The following DCDC1 variants were observed in gnomAD, a reference collection of about 807,000 sequenced individuals.
DCDC1 encodes the protein doublecortin domain containing 1.
In DCDC1, 200 loss-of-function variants were observed where a neutral mutation model predicts 178.3. The observed-to-expected ratio is 1.12, with a 90% confidence interval of 1.00 to 1.26. The LOEUF (loss-of-function observed/expected upper bound fraction) is 1.26. Ranked by LOEUF, DCDC1 falls within the 50% of genes most tolerant of loss-of-function variation. The pLI is 0.00. For missense variants in DCDC1, 1,983 were observed against 1,749.2 expected (o/e 1.13, Z -2.38); for synonymous variants, 690 against 604.8 (o/e 1.14, Z -2.07).
At chr11:31,069,776 G>A (rs1202488398) in intron 18 of DCDC1, among the ~76,000 whole-genome samples, 4 of 152,068 alleles carry the variant, frequency 2.6e-5, no homozygotes, top group Non-Finnish European at 4.4e-5. Flanking sequence ...GTTCATTTCT[G>A]AGGTACATTC....
At chr11:31,170,841 T>A (rs998292885) in intron 9 of DCDC1, among the ~76,000 whole-genome samples, 1 of 152,100 alleles carries the variant, frequency 6.6e-6, no homozygotes, top group African/African-American at 2.4e-5. Context: ...ATTTATTTAT[T>A]TTTTTGAGAT....
intron 20 of DCDC1, among the ~76,000 whole-genome samples, chr11:31,024,073 G>C (rs1415327435): frequency 1.3e-5 from 2 of 151,894 alleles, no homozygotes; most frequent in Admixed American, 6.6e-5. Context: ...TACATGATTA[G>C]GAACATTCAC....
At chr11:31,307,436 T>C in intron 4 of DCDC1, 1 of 594,876 alleles carries the variant, frequency 1.7e-6, no homozygotes, top group Non-Finnish European at 2.8e-6. Context: ...TTGCCCGGGT[T>C]GAAGTGTATC....
intron 9 of DCDC1, among the ~76,000 whole-genome samples, chr11:31,237,364 T>C (rs541324297): frequency 6.6e-6 from 1 of 152,030 alleles, no homozygotes; most frequent in African/African-American, 2.4e-5. Context: ...GCAATATTGT[T>C]ACAATTTAAA....
chr11:30,877,865 T>C (rs1942279851), intron 38 of DCDC1, among the ~76,000 whole-genome samples: 1 of 152,144 alleles, frequency 6.6e-6, no homozygotes. Context: ...TAGTGTCTAG[T>C]GGTCAGAGTC....
intron 9 of DCDC1, among the ~76,000 whole-genome samples, chr11:31,214,979 C>T (rs920998899): frequency 2.0e-5 from 3 of 151,500 alleles, no homozygotes; most frequent in Non-Finnish European, 4.4e-5. Flanking sequence ...TCATATAAAT[C>T]TAAGCAGGAC....
chr11:31,328,267 C>A lies in DCDC1; in HGVS notation c.14G>T (p.Gly5Val). Reference sequence around the variant, plus strand: ...TAGTGCTTCTCTGTGATCTTCTGCTCCTGTTTTTGCCATTTTCAGCTAAAA... The same window carrying A: ...TAGTGCTTCTCTGTGATCTTCTGCTACTGTTTTTGCCATTTTCAGCTAAAA... MAKT[G>V]AEDHREALSQ... Residue 5 changes from glycine to valine, a missense_variant, in exon 3 of 39, where the codon GGA becomes GTA. Transcript: ENST00000684477. 1 of 1,558,464 alleles carries A rather than the reference C, an allele frequency of 6.4e-7. No individual in the cohort carries two copies. Among genetic ancestry groups the A allele is most frequent in the South Asian group, 1.2e-5 (1 of 83,408 alleles).
chr11:30,987,890 A>G (rs1322847939), intron 20 of DCDC1, among the ~76,000 whole-genome samples: 1 of 152,188 alleles, frequency 6.6e-6, no homozygotes, highest in Non-Finnish European at 1.5e-5. Flanking sequence ...CCTCCAGTGC[A>G]GCCCAGGGAA....
intron 8 of DCDC1, among the ~76,000 whole-genome samples, chr11:31,248,337 G>A (rs943348197): frequency 1.3e-5 from 2 of 151,800 alleles, no homozygotes; most frequent in Non-Finnish European, 1.5e-5. Flanking sequence ...TAAAACATAG[G>A]AATAAGATCA....
chr11:31,063,549 C>T (rs1344902603), intron 20 of DCDC1, among the ~76,000 whole-genome samples: 1 of 152,030 alleles, frequency 6.6e-6, no homozygotes, highest in East Asian at 1.9e-4. Context: ...TGTCTCTTTT[C>T]ATGCAAGTGA....
chr11:31,267,364 G>A (rs2137127302), intron 7 of DCDC1, among the ~76,000 whole-genome samples: 1 of 151,946 alleles, frequency 6.6e-6, no homozygotes, highest in African/African-American at 2.4e-5. Flanking sequence ...CTAATTTTTT[G>A]TATTTTTAGT....
intron 9 of DCDC1, among the ~76,000 whole-genome samples, chr11:31,235,997 A>G (rs1176994507): frequency 1.3e-5 from 2 of 152,050 alleles, no homozygotes; most frequent in African/African-American, 4.8e-5. Context: ...TAAAAAGTTC[A>G]ATTTTGAGCT....
chr11:31,334,717 C>T (rs947429081), intron 2 of DCDC1, among the ~76,000 whole-genome samples: 4 of 152,148 alleles, frequency 2.6e-5, no homozygotes, highest in Admixed American at 2.0e-4. Context: ...GCAGAGGATG[C>T]AGAACAGCAA....
Position 31,151,133 on chromosome 11 carries a change from G to T in DCDC1, c.1222-13349C>A, listed in dbSNP as rs146990840. On this transcript the variant is annotated intron_variant, in intron 9 of 38. Coordinates refer to ENST00000684477, the MANE Select transcript of DCDC1 (RefSeq NM_001387274.1). ...CACATTTGTGTAAATGATGCTTAAAGAAGTTAAGTAGCATGCTCATGAACA... is the reference window on the plus strand; with the variant it reads ...CACATTTGTGTAAATGATGCTTAAATAAGTTAAGTAGCATGCTCATGAACA... 2.3e-3 allele frequency among the ~76,000 whole-genome samples: 352 copies of T among 152,248 alleles called. 2 individuals are homozygous for T. The highest frequency in any genetic ancestry group is 3.6e-3 in the Non-Finnish European group (246 of 68,004).
intron 20 of DCDC1, among the ~76,000 whole-genome samples, chr11:31,005,671 G>T (rs945789422): frequency 1.7e-4 from 26 of 152,012 alleles, no homozygotes; most frequent in African/African-American, 6.3e-4. Flanking sequence ...GAGAGAACTG[G>T]TATGGGATTC....
At chr11:30,890,954 T>C (rs762754273) in intron 36 of DCDC1, among the ~76,000 whole-genome samples, 13 of 152,340 alleles carry the variant, frequency 8.5e-5, no homozygotes, top group Admixed American at 6.5e-4. Flanking sequence ...TAAATATTCT[T>C]AATAAATAGT....
rs1298284027 is a variant in DCDC1, at chr11:31,137,751, T to C, written c.1255A>G (p.Ile419Val). 2.8e-6 allele frequency: 2 copies of C among 702,886 alleles called. No individual in the cohort carries two copies. The highest frequency in any genetic ancestry group is 2.0e-5 in the Admixed American group (1 of 49,988). 43.5% of individuals were successfully genotyped at this position (702,886 alleles called of 1,614,324 possible). A position where few individuals can be genotyped will look rare whatever the true frequency, so the allele number is the denominator to read the frequency against. Residue 419 changes from isoleucine (I) to valine (V), a missense_variant, in exon 10 of 39, where the codon ATT becomes GTT. Coordinates refer to ENST00000684477, the MANE Select transcript of DCDC1 (RefSeq NM_001387274.1). ...ATTGAAAGAATGACTTTTTCTGTAA[T>C]TTTCTCCTTCTGTTCATTCATGACC... is the stretch of plus-strand genomic sequence containing the variant. ...NLVMNEQKEK[I>V]TEKVILSMTA...
intron 21 of DCDC1, among the ~76,000 whole-genome samples, chr11:30,938,935 G>A (rs1443144228): frequency 1.2e-5 from 1 of 83,736 alleles, no homozygotes; most frequent in East Asian, 2.4e-4. Flanking sequence ...GAGTTTTCCT[G>A]TGTACTCAAC....
intron 38 of DCDC1, among the ~76,000 whole-genome samples, chr11:30,869,950 G>T (rs1941380179): frequency 6.6e-6 from 1 of 152,104 alleles, no homozygotes; most frequent in African/African-American, 2.4e-5. Flanking sequence ...CTTTGACAAA[G>T]AATTCGATAG....
Sources: allele counts gnomAD v4.1 joint callset (sites outside exome capture counted in the v4.1 genomes callset), GRCh38; gene constraint gnomAD v4.1.1; transcripts MANE v1.5; gene names NCBI Gene and HGNC (gene_info 2026-07-23, HGNC 2026-07-21).